MEG3: variants seen among roughly 807,000 people sequenced by gnomAD.
The protein encoded by MEG3 is Very putative protein from MEG3 locus.
chr14:100,831,684 T>G (rs1310202577), downstream of MEG3: 5 of 152,224 alleles, frequency 3.3e-5, no homozygotes, highest in African/African-American at 1.2e-4. Flanking sequence ...CTCCCCCTTC[T>G]CTCGTTCTTA....
intron 2 of MEG3, among the ~76,000 whole-genome samples, chr14:100,839,872 T>C (rs1386156925): frequency 1.3e-5 from 2 of 152,230 alleles, no homozygotes; most frequent in African/African-American, 4.8e-5. Flanking sequence ...CCCGTAGGTC[T>C]GGAATTCTAG....
exon 1 of MEG3, chr14:100,859,249 T>A (rs1400762403): frequency 6.6e-6 from 1 of 152,196 alleles, no homozygotes. Flanking sequence ...CAAAGACTCT[T>A]CGGAGGAAAC....
chr14:100,849,257 C>T (rs998630376), intron 3 of MEG3: 1 of 152,128 alleles, frequency 6.6e-6, no homozygotes, highest in Non-Finnish European at 1.5e-5. Context: ...TAAATAAATC[C>T]TGCACCAAAT....
chr14:100,832,180 G>A (rs1239289860), downstream of MEG3: 1 of 152,062 alleles, frequency 6.6e-6, no homozygotes, highest in African/African-American at 2.4e-5. Context: ...TCCAAAGACG[G>A]TTTCCCCTTA....
rs991555886 is a variant in MEG3, at chr14:100,845,091, A to T, written n.3046-367A>T. 6.6e-6 allele frequency among the ~76,000 whole-genome samples: 1 copy of T among 152,130 alleles called. No individual in the cohort carries two copies. Among genetic ancestry groups the T allele is most frequent in the African/African-American group, 2.4e-5 (1 of 41,420 alleles). The stretch of plus-strand genomic sequence containing the variant: ...AGCCATCCTGCTCGCCGACCTGGGC[A>T]CCTTGCTTCTGCCAGAGCACAGGTT... On this transcript the variant is annotated intron_variant and non_coding_transcript_variant, in intron 2 of 3. Coordinates refer to the MEG3 transcript ENST00000398461. This position sits in a 1 kb window ranked among gnomAD's most constrained non-coding sequence, Gnocchi z 5.2.
exon 1 of MEG3, chr14:100,835,851 T>C: frequency 3.7e-6 from 1 of 266,688 alleles, no homozygotes; most frequent in South Asian, 3.8e-5. Context: ...TCCTGTCCCA[T>C]CCCAGAGACC....
Position 100,858,275 on chromosome 14 carries a change from C to T in MEG3, n.1031C>T, listed in dbSNP as rs183938428. On this transcript the variant is annotated non_coding_transcript_exon_variant, in exon 1 of 2. Coordinates refer to the MEG3 transcript ENST00000398460. Reference sequence around the variant, plus strand: ...CAGGGATGAGGAAGGAGGCTGTGCCCTCCAGGGGACTCAGCTGCGTTAGAG... The same window carrying T: ...CAGGGATGAGGAAGGAGGCTGTGCCTTCCAGGGGACTCAGCTGCGTTAGAG... 3 of 152,970 alleles carry T rather than the reference C, an allele frequency of 2.0e-5. No individual in the cohort carries two copies. In the Admixed American group the frequency reaches 2.0e-4, roughly 10 times the overall value. 9.5% of individuals were successfully genotyped at this position (152,970 alleles called of 1,614,324 possible). A position where few individuals can be genotyped will look rare whatever the true frequency, so the allele number is the denominator to read the frequency against.
At position 100,845,790 on chromosome 14, in the gene MEG3, G is replaced by A. The variant is rs949046220; in HGVS notation, n.3121+257G>A. On this transcript the variant is annotated intron_variant and non_coding_transcript_variant, in intron 3 of 3. Transcript: ENST00000398461. The surrounding 1 kb of genome is among the most constrained non-coding windows in gnomAD (Gnocchi z 5.2). ...ATTCTATAGGCGGGCTTCAAATGTCGGACCCCAAAAGAATTTCTTCTTTTT... is the reference window on the plus strand; with the variant it reads ...ATTCTATAGGCGGGCTTCAAATGTCAGACCCCAAAAGAATTTCTTCTTTTT... 4 of 216,852 alleles carry A rather than the reference G, an allele frequency of 1.8e-5. No individual in the cohort carries two copies. Among genetic ancestry groups the A allele is most frequent in the South Asian group, 5.4e-5 (1 of 18,440 alleles). The allele number at this position is 216,852 out of a possible 1,614,324, so 13.4% of individuals were successfully genotyped here.
chr14:100,846,725 G>A (rs1328391840), intron 3 of MEG3: 1 of 152,164 alleles, frequency 6.6e-6, no homozygotes, highest in Non-Finnish European at 1.5e-5. Context: ...CCGCTTTGAT[G>A]GCTAGGCAAT....
downstream of MEG3, chr14:100,830,907 G>A (rs933082509): frequency 6.5e-6 from 1 of 152,682 alleles, no homozygotes; most frequent in Non-Finnish European, 1.5e-5. Flanking sequence ...GACAAATGAA[G>A]TGGGCGGAGA....
At chr14:100,853,983 C>CGAGT (rs2038166121), upstream of MEG3, 1 of 152,062 alleles carries the variant, frequency 6.6e-6, no homozygotes, top group African/African-American at 2.4e-5. Flanking sequence ...GAGGAAGGAG[C>CGAGT]GAGTGAGTGA....
chr14:100,839,621 C>T (rs1177025358), intron 2 of MEG3, among the ~76,000 whole-genome samples: 1 of 152,164 alleles, frequency 6.6e-6, no homozygotes, highest in African/African-American at 2.4e-5. Context: ...ACAGAACAGG[C>T]TTGCCTCCTT....
chr14:100,831,985 G>C (rs2037407889), downstream of MEG3: 1 of 152,126 alleles, frequency 6.6e-6, no homozygotes, highest in Admixed American at 6.5e-5. Context: ...AATACAACTG[G>C]AGGCACCACT....
At chr14:100,833,908 A>G (rs1057453996), downstream of MEG3, 2 of 152,212 alleles carry the variant, frequency 1.3e-5, no homozygotes, top group African/African-American at 4.8e-5. Context: ...CTGTTGGCTA[A>G]AGGTTCTCTG....
chr14:100,830,381 A>C (rs1486054463), downstream of MEG3: 2 of 146,974 alleles, frequency 1.4e-5, no homozygotes, highest in African/African-American at 2.6e-5. Flanking sequence ...ACACACACAC[A>C]CACCCCCTCG....
intron 3 of MEG3, chr14:100,847,871 G>A (rs1462900748): frequency 6.6e-6 from 1 of 152,178 alleles, no homozygotes; most frequent in African/African-American, 2.4e-5. Flanking sequence ...TGTCATAAGG[G>A]CACCTGACTC....
At chr14:100,834,965 C>A in exon 1 of MEG3, 1 of 393,714 alleles carries the variant, frequency 2.5e-6, no homozygotes, top group Admixed American at 2.6e-5. Flanking sequence ...CCTAACTGAG[C>A]ACGCCCACGG....
chr14:100,846,026 A>C (rs1162440103), intron 3 of MEG3: 2 of 152,462 alleles, frequency 1.3e-5, no homozygotes, highest in East Asian at 3.8e-4. Context: ...CATAATGGGC[A>C]GATTTTCTGT....
At chr14:100,850,665 A>C (rs547014435) in intron 3 of MEG3, 5 of 152,244 alleles carry the variant, frequency 3.3e-5, no homozygotes, top group Admixed American at 3.3e-4. Context: ...GAGTGAGAGG[A>C]AGAAAGAAAG....
Sources: allele counts gnomAD v4.1 joint callset (sites outside exome capture counted in the v4.1 genomes callset), GRCh38; gene constraint gnomAD v4.1.1; non-coding constraint Gnocchi (gnomAD v3.1); transcripts MANE v1.5; gene names NCBI Gene and HGNC (gene_info 2026-07-23, HGNC 2026-07-21).